The following EDA variants were observed in gnomAD, a reference collection of about 807,000 sequenced individuals.
EDA encodes the protein ectodysplasin A.
EDA carries 2 observed loss-of-function variants against 23.6 expected under a neutral mutation model. The ratio of observed to expected loss-of-function variants is 0.08; its 90% CI spans 0.03 to 0.27. The LOEUF (loss-of-function observed/expected upper bound fraction) is 0.27. EDA is among the 10% of genes least tolerant of loss of function. The pLI is 1.00. For missense variants in EDA, 229 were observed against 324.2 expected (o/e 0.71, Z 2.26); for synonymous variants, 131 against 132.0 (o/e 0.99, Z 0.05).
chrX:69,643,089 G>C (rs1482991480), intron 1 of EDA, among the ~76,000 whole-genome samples: 1 of 111,151 alleles, frequency 9.0e-6, no homozygotes, highest in Non-Finnish European at 1.9e-5. Context: ...AGCCCAATGA[G>C]AGCAAAGACT....
At position 70,033,543 on chromosome X, in the gene EDA, AG is replaced by A; in HGVS notation, c.924+17del. 8.3e-7 allele frequency: 1 copy of A among 1,209,814 alleles called. No homozygotes were observed. Among genetic ancestry groups the A allele is most frequent in the Non-Finnish European group, 1.1e-6 (1 of 894,750 alleles). On this transcript the variant is annotated intron_variant, in intron 7 of 7. Coordinates refer to ENST00000374552, the MANE Select transcript of EDA (RefSeq NM_001399.5). The stretch of plus-strand genomic sequence containing the variant: ...GTCAGGTAGAAGTGAGTACGGTCTT[AG>A]GCCTAACTCTTCTTATATCCAGAAT...
intron 1 of EDA, among the ~76,000 whole-genome samples, chrX:69,751,609 C>A (rs1248022344): frequency 1.8e-5 from 2 of 111,901 alleles, no homozygotes; most frequent in Non-Finnish European, 3.8e-5. Flanking sequence ...CTATAAATTA[C>A]CTTGGACAGT....
intron 1 of EDA, among the ~76,000 whole-genome samples, chrX:69,902,145 TATAA>T (rs1236481134): frequency 9.4e-6 from 1 of 105,947 alleles, no homozygotes; most frequent in Non-Finnish European, 2.0e-5. Context: ...ATTGTAATGT[TATAA>T]ATAGAGAACT....
intron 1 of EDA, among the ~76,000 whole-genome samples, chrX:69,943,344 C>T (rs1301614761): frequency 9.0e-6 from 1 of 111,619 alleles, no homozygotes; most frequent in Non-Finnish European, 1.9e-5. Flanking sequence ...TTTGAAGGGA[C>T]TTGAGTGTTG....
At chrX:69,941,971 A>G (rs1332894145) in intron 1 of EDA, among the ~76,000 whole-genome samples, 2 of 111,283 alleles carry the variant, frequency 1.8e-5, no homozygotes, top group Non-Finnish European at 3.8e-5. Flanking sequence ...GATTACCACT[A>G]TGGTTGCAAA....
At chrX:69,911,670 A>T (rs558951925) in intron 1 of EDA, among the ~76,000 whole-genome samples, 2 of 112,545 alleles carry the variant, frequency 1.8e-5, no homozygotes, top group African/African-American at 6.5e-5. Context: ...CCCAGTAAGT[A>T]TAAAAGTTAT....
At chrX:69,910,984 T>G (rs1172271739) in intron 1 of EDA, among the ~76,000 whole-genome samples, 5 of 112,150 alleles carry the variant, frequency 4.5e-5, no homozygotes, top group Non-Finnish European at 7.5e-5. Flanking sequence ...AAAAAACATA[T>G]TGTATACTGG....
intron 1 of EDA, among the ~76,000 whole-genome samples, chrX:69,659,421 T>C (rs1177775989): frequency 3.6e-5 from 4 of 112,019 alleles, no homozygotes; most frequent in Admixed American, 1.9e-4. Context: ...AATATTACTA[T>C]TGGGGTTTGT....
intron 1 of EDA, among the ~76,000 whole-genome samples, chrX:69,731,257 T>C (rs2013013168): frequency 9.0e-6 from 1 of 111,386 alleles, no homozygotes; most frequent in South Asian, 3.8e-4. Context: ...TTTCTTGGTC[T>C]GTGTGGTTAA....
chrX:69,648,095 G>A (rs1264377007), intron 1 of EDA, among the ~76,000 whole-genome samples: 2 of 111,364 alleles, frequency 1.8e-5, no homozygotes, highest in African/African-American at 6.5e-5. Context: ...GGGGGGTACT[G>A]ACCTGTTGCC....
chrX:69,713,935 T>G (rs1471157988), intron 1 of EDA, among the ~76,000 whole-genome samples: 1 of 110,729 alleles, frequency 9.0e-6, no homozygotes, highest in African/African-American at 3.3e-5. Flanking sequence ...TTTTTTTTTT[T>G]TTCCAAGAAA....
chrX:69,907,323 G>A (rs1437438122), intron 1 of EDA, among the ~76,000 whole-genome samples: 5 of 111,482 alleles, frequency 4.5e-5, no homozygotes, highest in Non-Finnish European at 9.4e-5. Context: ...ACACACACCA[G>A]AAAGGACATG....
intron 1 of EDA, among the ~76,000 whole-genome samples, chrX:69,627,924 T>C (rs1932445755): frequency 9.0e-6 from 1 of 111,668 alleles, no homozygotes; most frequent in South Asian, 3.8e-4. Flanking sequence ...CTCTTGTGGC[T>C]TCCTGGTGAC....
At chrX:70,007,069 G>C (rs2019812131) in intron 2 of EDA, among the ~76,000 whole-genome samples, 1 of 111,404 alleles carries the variant, frequency 9.0e-6, no homozygotes, top group Admixed American at 9.5e-5. Context: ...GACTGTATTT[G>C]TGTGGGTCTA....
chrX:69,811,756 G>T (rs771435233), intron 1 of EDA, among the ~76,000 whole-genome samples: 1 of 112,235 alleles, frequency 8.9e-6, no homozygotes, highest in East Asian at 2.8e-4. Context: ...GAGAGAGCAG[G>T]GATGGCTCCC....
chrX:69,951,884 C>G (rs1280061926), intron 1 of EDA, among the ~76,000 whole-genome samples: 1 of 111,875 alleles, frequency 8.9e-6, no homozygotes, highest in Non-Finnish European at 1.9e-5. Context: ...TTTTTTCCCC[C>G]TTGAGCAAAA....
chrX:69,712,716 T>C (rs1287200638), intron 1 of EDA, among the ~76,000 whole-genome samples: 2 of 111,480 alleles, frequency 1.8e-5, no homozygotes, highest in Non-Finnish European at 3.8e-5. Flanking sequence ...ACTGGGTATA[T>C]ACCCAAAGCA....
In EDA at chrX:69,835,289, A is replaced by G. The variant is rs1328287050; in HGVS notation, c.397-121738A>G. On this transcript the variant is annotated intron_variant, in intron 1 of 7. Transcript: ENST00000374552. ...TGGTAGGTTGGGGAAGTTCTCCTGG[A>G]TAATATCCTGCAGAGTGTTTTCCAA... Among the ~76,000 whole-genome samples the G allele has an allele frequency of 1.7e-4, 19 of 111,807 alleles. No homozygotes were observed. In the Admixed American group the frequency reaches 1.8e-3, roughly 11 times the overall value.
At chrX:69,722,068 G>A (rs1046709617) in intron 1 of EDA, among the ~76,000 whole-genome samples, 2 of 111,114 alleles carry the variant, frequency 1.8e-5, no homozygotes, top group African/African-American at 6.5e-5. Context: ...AAATCTTAGT[G>A]TAAGATCTTT....
Sources: gnomAD v4.1 joint callset for allele counts (sites outside exome capture counted in the v4.1 genomes callset) on GRCh38, gnomAD v4.1.1 for gene constraint, MANE v1.5 for transcripts, NCBI Gene and HGNC (gene_info 2026-07-23, HGNC 2026-07-21) for gene names.